Variants in PCLO observed in about 807,000 individuals in gnomAD.
The protein encoded by PCLO is piccolo presynaptic cytomatrix protein.
A neutral mutation model predicts 427.5 loss-of-function variants in PCLO; 82 were observed. The observed-to-expected ratio is 0.19, with a 90% CI of 0.16 to 0.23. PCLO has a LOEUF of 0.23. Ranked by LOEUF, PCLO falls within the 10% of genes least tolerant of loss-of-function variation. The pLI is 1.00. For synonymous variants in PCLO, 2,357 were observed against 2,155.4 expected, an observed-to-expected ratio of 1.09 and a Z score of -2.59; for missense variants, 6,239 against 6,115.9, an observed-to-expected ratio of 1.02 and a Z score of -0.67.
In PCLO at chr7:82,920,644, TC is replaced by T. The variant is rs552698763; in HGVS notation, c.11113-3772del. Among the ~76,000 whole-genome samples, 339 of 151,908 alleles carry T rather than the reference TC, an allele frequency of 2.2e-3. 2 individuals are homozygous for T. Among genetic ancestry groups the T allele is most frequent in the Middle Eastern group, 0.01 (3 of 294 alleles). On this transcript the variant is annotated intron_variant, in intron 6 of 24. Coordinates refer to ENST00000333891, the MANE Select transcript of PCLO (RefSeq NM_033026.6). The stretch of plus-strand genomic sequence containing the variant: ...TCCAAAGTAATTTTAAAGAACATTT[TC>T]CTTAGGAAAGTTAATTTATATAATG...
chr7:82,973,117 C>G (rs1346183131), intron 3 of PCLO, among the ~76,000 whole-genome samples: 1 of 151,856 alleles, frequency 6.6e-6, no homozygotes. Flanking sequence ...ACTACACAAT[C>G]GATTGTTCAG....
chr7:83,139,313 T>G (rs574021452), intron 2 of PCLO, among the ~76,000 whole-genome samples: 1 of 152,342 alleles, frequency 6.6e-6, no homozygotes, highest in East Asian at 1.9e-4. Flanking sequence ...TCTTTTTTTC[T>G]TCTGAAAAAT....
chr7:82,996,404 T>C (rs548207081), intron 3 of PCLO, among the ~76,000 whole-genome samples: 30 of 151,980 alleles, frequency 2.0e-4, no homozygotes, highest in Non-Finnish European at 1.8e-4. Flanking sequence ...TAAAGGTACT[T>C]AATGAATATA....
chr7:82,825,140 T>C (rs1367877618), intron 18 of PCLO, among the ~76,000 whole-genome samples: 5 of 152,186 alleles, frequency 3.3e-5, no homozygotes, highest in Admixed American at 1.3e-4. Context: ...AATAGGGATA[T>C]GACTACCACA....
At chr7:83,082,561 A>G (rs1255806449) in intron 3 of PCLO, among the ~76,000 whole-genome samples, 2 of 151,766 alleles carry the variant, frequency 1.3e-5, no homozygotes, top group African/African-American at 4.8e-5. Context: ...GTTAGAAATA[A>G]TATCTGATGT....
At chr7:83,054,548 A>C (rs1789331979) in intron 3 of PCLO, among the ~76,000 whole-genome samples, 1 of 152,084 alleles carries the variant, frequency 6.6e-6, no homozygotes, top group East Asian at 1.9e-4. Context: ...AAAATTATAA[A>C]GATATTAATA....
chr7:82,999,903 A>T (rs1787773497), intron 3 of PCLO, among the ~76,000 whole-genome samples: 1 of 136,652 alleles, frequency 7.3e-6, no homozygotes, highest in African/African-American at 2.7e-5. Context: ...TATATAATGG[A>T]AATACAAAGA....
At chr7:82,918,230 G>A (rs1794514330) in intron 6 of PCLO, among the ~76,000 whole-genome samples, 1 of 151,884 alleles carries the variant, frequency 6.6e-6, no homozygotes, top group Non-Finnish European at 1.5e-5. Context: ...TGTTTGACAT[G>A]TCATTTATTT....
At position 82,949,740 on chromosome 7, in the gene PCLO, T is replaced by C. The variant is rs1232841761; in HGVS notation, c.10848A>G (p.Pro3616=). The change falls in exon 6 of 25, where the codon CCA becomes CCG. Residue 3616 remains proline (P), a synonymous_variant. Transcript: ENST00000333891. ...ADSTVQLAPS[P]PKSPKVLYSP... ...AGTAAAGGACTTTGGGGGATTTGGG[T>C]GGGGAAGGAGCCAGCTGTACTGTGG... The C allele has an allele frequency of 1.5e-5, 24 of 1,613,412 alleles. No homozygotes were observed. The highest frequency in any genetic ancestry group is 2.0e-5 in the Non-Finnish European group (24 of 1,179,790).
intron 19 of PCLO, among the ~76,000 whole-genome samples, chr7:82,823,206 G>C (rs1400342680): frequency 2.0e-5 from 3 of 152,096 alleles, no homozygotes; most frequent in African/African-American, 7.2e-5. Context: ...TAAGAGTTGA[G>C]ATGGCTAAGT....
intron 3 of PCLO, among the ~76,000 whole-genome samples, chr7:83,090,620 A>T (rs1469179712): frequency 6.6e-6 from 1 of 152,102 alleles, no homozygotes; most frequent in Non-Finnish European, 1.5e-5. Context: ...AAATCTTATG[A>T]TTCAAAACAC....
At chr7:83,002,432 T>C (rs1787846251) in intron 3 of PCLO, among the ~76,000 whole-genome samples, 1 of 151,992 alleles carries the variant, frequency 6.6e-6, no homozygotes, top group South Asian at 2.1e-4. Flanking sequence ...GTCTTTCACA[T>C]TTATTCTTTT....
chr7:82,949,283 AC>A lies in PCLO; in HGVS notation c.11112+192del, dbSNP rs1795274611. ...CACACACACACACACACAAGCGCAC[AC>A]ACACACGTGTGCACACACACACGCA... On this transcript the variant is annotated intron_variant, in intron 6 of 24. Coordinates refer to ENST00000333891, the MANE Select transcript of PCLO (RefSeq NM_033026.6). Among the ~76,000 whole-genome samples the A allele has an allele frequency of 2.9e-4, 44 of 151,744 alleles. 2 individuals carry two copies. The South Asian group carries it at 8.5e-3, about 29-fold the overall frequency.
chr7:82,992,837 C>T (rs936250838), intron 3 of PCLO, among the ~76,000 whole-genome samples: 2 of 84,430 alleles, frequency 2.4e-5, no homozygotes, highest in African/African-American at 1.2e-4. Context: ...TTTTAAAGTA[C>T]ATTCATTCAC....
rs114891439 is a variant in PCLO, at chr7:82,967,691, T to C, written c.3301-1204A>G. On this transcript the variant is annotated intron_variant, in intron 3 of 24. Coordinates refer to ENST00000333891, the MANE Select transcript of PCLO (RefSeq NM_033026.6). ...TAAAAACTACTCTCTGATAAGAATATAGAACAAATGATCACCTAGGAGACA... is the reference window on the plus strand; with the variant it reads ...TAAAAACTACTCTCTGATAAGAATACAGAACAAATGATCACCTAGGAGACA... Among the ~76,000 whole-genome samples the C allele has an allele frequency of 6.4e-3, 971 of 152,282 alleles. 15 individuals carry two copies. The highest frequency in any genetic ancestry group is 0.022 in the African/African-American group (909 of 41,556).
chr7:82,913,634 C>T (rs552818972), intron 7 of PCLO, among the ~76,000 whole-genome samples: 2 of 152,042 alleles, frequency 1.3e-5, no homozygotes, highest in South Asian at 4.2e-4. Flanking sequence ...TCATTCCTCC[C>T]TCATCTTCAA....
chr7:82,947,347 AC>A (rs1795227369), intron 6 of PCLO, among the ~76,000 whole-genome samples: 1 of 152,176 alleles, frequency 6.6e-6, no homozygotes, highest in South Asian at 2.1e-4. Context: ...AAAATTAACA[AC>A]CTGTAAACTA....
intron 6 of PCLO, among the ~76,000 whole-genome samples, chr7:82,926,785 T>C (rs2116322040): frequency 6.6e-6 from 1 of 152,298 alleles, no homozygotes; most frequent in Admixed American, 6.5e-5. Context: ...TAATTTCTTT[T>C]CTTTCCTAAA....
At chr7:82,947,410 A>AT (rs67337135) in intron 6 of PCLO, among the ~76,000 whole-genome samples, 4 of 152,098 alleles carry the variant, frequency 2.6e-5, no homozygotes, top group Admixed American at 2.0e-4. Flanking sequence ...TAAGAAAATT[A>AT]TTTTTTTAGT....
Sources: gnomAD v4.1 joint callset for allele counts (sites outside exome capture counted in the v4.1 genomes callset) on GRCh38, gnomAD v4.1.1 for gene constraint, MANE v1.5 for transcripts, NCBI Gene and HGNC (gene_info 2026-07-23, HGNC 2026-07-21) for gene names.